Variants in PKD1L3 observed in about 807,000 individuals in gnomAD.
The protein encoded by PKD1L3 is polycystin-1-like protein 3.
In PKD1L3, 239 loss-of-function variants were observed where a neutral mutation model predicts 184.1. That is an observed-to-expected ratio of 1.30 (90% CI 1.17 to 1.45). The LOEUF (loss-of-function observed/expected upper bound fraction) is 1.45, where lower values mean the gene tolerates loss of function less well. Among genes scored for constraint, PKD1L3 ranks in the 40% most tolerant of loss-of-function variants. The pLI, the probability that PKD1L3 is intolerant of heterozygous loss-of-function variation, is 0.00. For synonymous variants in PKD1L3, 996 were observed against 778.8 expected (o/e 1.28, Z -4.64); for missense variants, 2,660 against 2,067.2 (o/e 1.29, Z -5.56).
At chr16:71,980,387 G>A (rs544073437) in intron 7 of PKD1L3, among the ~76,000 whole-genome samples, 3 of 152,258 alleles carry the variant, frequency 2.0e-5, no homozygotes, top group Non-Finnish European at 2.9e-5. Context: ...CCCTAGACCT[G>A]CTCACGATAG....
At chr16:71,969,639 C>T (rs2039635030) in intron 13 of PKD1L3, among the ~76,000 whole-genome samples, 1 of 151,692 alleles carries the variant, frequency 6.6e-6, no homozygotes, top group Non-Finnish European at 1.5e-5. Context: ...CATTCCTGTC[C>T]TAAAAGGAGT....
chr16:71,986,022 G>A (rs2040347328), intron 5 of PKD1L3, among the ~76,000 whole-genome samples, 199 bp downstream of exon 5: 2 of 152,216 alleles, frequency 1.3e-5, no homozygotes, highest in African/African-American at 4.8e-5. Flanking sequence ...ATTAAATAGT[G>A]TCATTAATGA....
chr16:71,967,677 C>A (rs2039553281), intron 14 of PKD1L3, among the ~76,000 whole-genome samples: 1 of 152,260 alleles, frequency 6.6e-6, no homozygotes, highest in Middle Eastern at 3.4e-3. Context: ...GTTGGCCAGG[C>A]TGGTCTCAAA....
intron 22 of PKD1L3, 115 bp from the exon 23 acceptor site, chr16:71,944,285 A>C (rs2038474464): frequency 9.8e-7 from 1 of 1,022,088 alleles, no homozygotes. Flanking sequence ...CAAGGAATAA[A>C]ACTACCTATG....
chr16:71,968,930 C>CT (rs1196853513), intron 13 of PKD1L3, among the ~76,000 whole-genome samples: 159 of 137,466 alleles, frequency 1.2e-3, no homozygotes, highest in East Asian at 5.8e-3. Context: ...TTACATATAA[C>CT]TTTTTTTTTT....
At chr16:71,934,658 C>A (rs756606286) in intron 26 of PKD1L3, among the ~76,000 whole-genome samples, 2 of 152,156 alleles carry the variant, frequency 1.3e-5, no homozygotes, top group Non-Finnish European at 2.9e-5. Flanking sequence ...GAGAGACATT[C>A]ATAATTTTAG....
intron 4 of PKD1L3, among the ~76,000 whole-genome samples, chr16:71,988,271 C>G (rs191554028): frequency 6.6e-6 from 1 of 152,116 alleles, no homozygotes; most frequent in African/African-American, 2.4e-5. Context: ...CTTGGCTCAC[C>G]GCAACCTCCA....
intron 16 of PKD1L3, among the ~76,000 whole-genome samples, chr16:71,956,184 A>ATTTTTTTTTT (rs35268514): frequency 1.2e-4 from 10 of 82,764 alleles, no homozygotes; most frequent in East Asian, 4.8e-4. Context: ...AAAGGAAGGA[A>ATTTTTTTTTT]TTTTTTTTTT....
intron 2 of PKD1L3, among the ~76,000 whole-genome samples, chr16:71,996,482 A>T (rs982070023): frequency 2.0e-5 from 3 of 151,888 alleles, no homozygotes; most frequent in South Asian, 4.2e-4. Flanking sequence ...GGATGGTCTC[A>T]ATCTCTTTAC....
intron 22 of PKD1L3, among the ~76,000 whole-genome samples, chr16:71,945,916 C>G (rs181455306): frequency 2.0e-5 from 3 of 152,268 alleles, no homozygotes; most frequent in East Asian, 1.9e-4. Flanking sequence ...GAGAAACCAA[C>G]AGTTCAGAAT....
chr16:71,947,514 TG>T lies in PKD1L3; in HGVS notation c.3695del (p.Thr1232LysfsTer27), dbSNP rs2143313553. ...PRLNKENEQQ[T>X]KRILALLAKC... Reference sequence around the variant, plus strand: ...TACCCAAGAGTGCCAAGATCCTCTTTGTTTGTTGTTCATTCTCTTTGTTAAG... The same window carrying T: ...TACCCAAGAGTGCCAAGATCCTCTTTTTTGTTGTTCATTCTCTTTGTTAAG... On this transcript the variant is annotated frameshift_variant, in exon 22 of 30. Transcript: ENST00000620267. LOFTEE classifies it high-confidence loss of function. The T allele has an allele frequency of 1.1e-6, 1 of 877,490 alleles. No homozygotes were observed. The highest frequency in any genetic ancestry group is 2.6e-5 in the East Asian group (1 of 38,562). The allele number at this position is 877,490 out of a possible 1,614,324, so 54.4% of individuals were successfully genotyped here.
At chr16:71,932,734 G>GT (rs759019558) in intron 28 of PKD1L3, among the ~76,000 whole-genome samples, 2,147 of 149,602 alleles carry the variant, frequency 0.014, 21 homozygotes, top group Non-Finnish European at 0.023. Flanking sequence ...GCTGGCTTCG[G>GT]CTTCCCAAAG....
chr16:71,943,961 TTC>T (rs1234273461), intron 23 of PKD1L3, 67 bp downstream of exon 23: 1 of 1,452,534 alleles, frequency 6.9e-7, no homozygotes, highest in East Asian at 2.5e-5. Flanking sequence ...TTCCATTTTA[TTC>T]TCTCTCTTCC....
At chr16:71,986,723 G>A (rs896098877) in intron 4 of PKD1L3, among the ~76,000 whole-genome samples, 37 of 152,032 alleles carry the variant, frequency 2.4e-4, no homozygotes, top group African/African-American at 8.9e-4. Context: ...AAGTTGCTAA[G>A]AATGTTCTAG....
At chr16:71,966,947 A>G (rs1191665236) in intron 15 of PKD1L3, among the ~76,000 whole-genome samples, 190 bp downstream of exon 15, 3 of 152,216 alleles carry the variant, frequency 2.0e-5, no homozygotes, top group Admixed American at 1.3e-4. Flanking sequence ...TATCCAAAAA[A>G]AATCACATTG....
intron 24 of PKD1L3, among the ~76,000 whole-genome samples, chr16:71,938,981 G>A (rs1567491505): frequency 6.6e-6 from 1 of 152,228 alleles, no homozygotes; most frequent in Non-Finnish European, 1.5e-5. Flanking sequence ...GCAATGAGAA[G>A]GACAGAATAG....
rs2040360253 is a variant in PKD1L3, at chr16:71,986,329, CG to C, written c.725del (p.Thr242SerfsTer39). 1 of 1,551,976 alleles carries C rather than the reference CG, an allele frequency of 6.4e-7. No homozygotes were observed. Among genetic ancestry groups the C allele is most frequent in the African/African-American group, 1.4e-5 (1 of 73,030 alleles). On this transcript the variant is annotated frameshift_variant, in exon 5 of 30. Transcript: ENST00000620267. LOFTEE classifies it high-confidence loss of function. ...TTTCTGCCAGAGATTGCCCAGCATG[CG>C]TGACAGACACGGGCATGGTGAGCTG... ...ITQLTMPVSV[T>X]HAGQSLAETT...
At chr16:71,954,451 C>CT (rs950142220) in intron 16 of PKD1L3, 150 bp from the exon 17 acceptor site, 5 of 542,912 alleles carry the variant, frequency 9.2e-6, no homozygotes, top group Non-Finnish European at 1.5e-5. Context: ...TATTTTAATT[C>CT]TTTTTTTATT....
At chr16:71,993,354 A>G in intron 2 of PKD1L3, 22 bp from the exon 3 acceptor site, 1 of 1,444,064 alleles carries the variant, frequency 6.9e-7, no homozygotes, top group Non-Finnish European at 9.5e-7. Flanking sequence ...CCAACACACA[A>G]GTTAATTTAT....
Sources: gnomAD v4.1 joint callset for allele counts (sites outside exome capture counted in the v4.1 genomes callset) on GRCh38, gnomAD v4.1.1 for gene constraint, MANE v1.5 for transcripts, NCBI Gene and HGNC (gene_info 2026-07-23, HGNC 2026-07-21) for gene names.